PARD3B: variants seen among roughly 807,000 people sequenced by gnomAD.
PARD3B encodes the protein par-3 family cell polarity regulator beta, also known as partitioning defective 3 homolog B.
Under a neutral mutation model 130.2 loss-of-function variants are expected in PARD3B, and 103 were observed. The ratio of observed to expected loss-of-function variants is 0.79; its 90% CI spans 0.67 to 0.93. The LOEUF is 0.93. Ranked by LOEUF, PARD3B falls within the 40% of genes least tolerant of loss-of-function variation. The pLI, the probability that PARD3B is intolerant of heterozygous loss-of-function variation, is 0.00. For missense variants in PARD3B, 1,609 were observed against 1,499.2 expected, an observed-to-expected ratio of 1.07 and a Z score of -1.21; for synonymous variants, 583 against 553.2, an observed-to-expected ratio of 1.05 and a Z score of -0.76.
At chr2:205,279,129 A>G (rs2041090767) in intron 16 of PARD3B, among the ~76,000 whole-genome samples, 1 of 145,456 alleles carries the variant, frequency 6.9e-6, no homozygotes. Context: ...TTTAATTATT[A>G]TACTAAATTT....
chr2:205,047,431 A>C, intron 3 of PARD3B, 150 bp from the exon 4 acceptor site: 1 of 564,292 alleles, frequency 1.8e-6, no homozygotes, highest in South Asian at 2.4e-5. Context: ...ACAAAAGATC[A>C]TTAAATGGAT....
intron 2 of PARD3B, among the ~76,000 whole-genome samples, chr2:204,717,693 G>T (rs555495605): frequency 3.9e-5 from 6 of 152,300 alleles, no homozygotes; most frequent in Non-Finnish European, 8.8e-5. Flanking sequence ...AGGTGGCTGG[G>T]TAGTCACAGA....
At chr2:204,940,069 A>AGAGAGCTTACCGGACTCTG (rs2125799130) in intron 2 of PARD3B, among the ~76,000 whole-genome samples, 1 of 152,342 alleles carries the variant, frequency 6.6e-6, no homozygotes, top group South Asian at 2.1e-4. Flanking sequence ...AATATTCATA[A>AGAGAGCTTACCGGACTCTG]GAGAGCTTAC....
At chr2:205,573,899 G>A (rs965718222) in intron 22 of PARD3B, among the ~76,000 whole-genome samples, 1 of 152,104 alleles carries the variant, frequency 6.6e-6, no homozygotes, top group Non-Finnish European at 1.5e-5. Context: ...CCATACCGTG[G>A]CTTCTCTCTA....
At chr2:204,633,155 A>G (rs1221465425) in intron 1 of PARD3B, among the ~76,000 whole-genome samples, 2 of 152,160 alleles carry the variant, frequency 1.3e-5, no homozygotes, top group Non-Finnish European at 2.9e-5. Context: ...AGGAAGCTTT[A>G]TACTACTTAG....
intron 3 of PARD3B, among the ~76,000 whole-genome samples, chr2:205,033,785 T>C (rs954002744): frequency 3.9e-5 from 6 of 152,208 alleles, no homozygotes; most frequent in Admixed American, 1.3e-4. Context: ...ATCTTATGAA[T>C]ATAGATTAAC....
chr2:205,119,447 T>G (rs769142388), intron 7 of PARD3B, among the ~76,000 whole-genome samples: 7 of 152,102 alleles, frequency 4.6e-5, no homozygotes, highest in Non-Finnish European at 7.4e-5. Flanking sequence ...GAGAGATGTC[T>G]GAGGACTCAC....
intron 2 of PARD3B, among the ~76,000 whole-genome samples, chr2:204,763,430 T>A (rs929407471): frequency 6.7e-6 from 1 of 149,794 alleles, no homozygotes; most frequent in East Asian, 1.9e-4. Context: ...CTAAATAAAT[T>A]AGCTTCCTGG....
chr2:205,425,988 T>C (rs576766804), intron 19 of PARD3B, among the ~76,000 whole-genome samples: 18 of 152,166 alleles, frequency 1.2e-4, no homozygotes, highest in Non-Finnish European at 2.5e-4. Flanking sequence ...TACAGAAATA[T>C]ATGTATTATT....
intron 20 of PARD3B, among the ~76,000 whole-genome samples, chr2:205,466,651 T>C (rs1443594645): frequency 6.6e-6 from 1 of 152,274 alleles, no homozygotes; most frequent in Admixed American, 6.5e-5. Context: ...TCATTTCGGT[T>C]AAAGCTAATT....
At chr2:204,735,995 A>G (rs2039731109) in intron 2 of PARD3B, among the ~76,000 whole-genome samples, 1 of 152,190 alleles carries the variant, frequency 6.6e-6, no homozygotes, top group Non-Finnish European at 1.5e-5. Flanking sequence ...TTCTCTGGGA[A>G]AGATAGCTCT....
chr2:205,488,208 C>T (rs1039105708), intron 20 of PARD3B, among the ~76,000 whole-genome samples: 2 of 152,004 alleles, frequency 1.3e-5, no homozygotes, highest in Admixed American at 1.3e-4. Flanking sequence ...ACAGTGGTCC[C>T]CAACCTTTTT....
At chr2:204,820,371 C>G (rs1325227516) in intron 2 of PARD3B, among the ~76,000 whole-genome samples, 6 of 152,018 alleles carry the variant, frequency 3.9e-5, no homozygotes, top group Non-Finnish European at 1.5e-5. Context: ...GCCACCATGC[C>G]CATCCTAAAC....
Position 205,158,965 on chromosome 2 carries a change from G to A in PARD3B, c.1620+58G>A, listed in dbSNP as rs139282201. ...GAAGGCACTTGGAGATGTGACTGTT[G>A]TACTTAGAGACTGAATGGAGAAAGT... On this transcript the variant is annotated intron_variant, in intron 11 of 22. Coordinates refer to ENST00000406610, the MANE Select transcript of PARD3B (RefSeq NM_001302769.2). The surrounding 1 kb of genome is among the most constrained non-coding windows in gnomAD (Gnocchi z 5.4). The A allele has an allele frequency of 5.5e-5, 86 of 1,568,944 alleles. No individual in the cohort carries two copies. In the African/African-American group the frequency reaches 8.8e-4, roughly 16 times the overall value.
At chr2:205,282,996 A>T (rs2041249270) in intron 16 of PARD3B, among the ~76,000 whole-genome samples, 1 of 152,168 alleles carries the variant, frequency 6.6e-6, no homozygotes, top group Admixed American at 6.5e-5. Context: ...GAGGCAGGTG[A>T]GCTATGATTG....
intron 2 of PARD3B, among the ~76,000 whole-genome samples, chr2:204,784,732 T>C (rs1015039708): frequency 6.6e-6 from 1 of 152,220 alleles, no homozygotes; most frequent in Non-Finnish European, 1.5e-5. Flanking sequence ...AATGTGACTT[T>C]GGTACCTAGC....
At chr2:204,546,167 G>T (rs1462077965) in intron 1 of PARD3B, 48 bp downstream of exon 1, 7 of 1,547,632 alleles carry the variant, frequency 4.5e-6, no homozygotes, top group Non-Finnish European at 6.1e-6. Context: ...CAAGGCACCT[G>T]CCAGGTGCGA....
intron 3 of PARD3B, among the ~76,000 whole-genome samples, chr2:204,971,371 G>A (rs1294178097): frequency 6.6e-6 from 1 of 152,142 alleles, no homozygotes; most frequent in Non-Finnish European, 1.5e-5. Flanking sequence ...TTCTGATGAA[G>A]CCTTTGAATT....
At chr2:205,131,874 C>A (rs907855776) in intron 10 of PARD3B, among the ~76,000 whole-genome samples, 3 of 152,108 alleles carry the variant, frequency 2.0e-5, no homozygotes, top group Non-Finnish European at 2.9e-5. Flanking sequence ...CTATTAAGAG[C>A]TTATTGTAAT....
Sources: gnomAD v4.1 joint callset for allele counts (sites outside exome capture counted in the v4.1 genomes callset) on GRCh38, gnomAD v4.1.1 for gene constraint, Gnocchi (gnomAD v3.1) non-coding constraint, MANE v1.5 for transcripts, NCBI Gene and HGNC (gene_info 2026-07-23, HGNC 2026-07-21) for gene names.